PTPRG: variants seen among roughly 807,000 people sequenced by gnomAD.
PTPRG encodes receptor-type tyrosine-protein phosphatase gamma.
Under a neutral mutation model 165.3 loss-of-function variants are expected in PTPRG, and 102 were observed. The observed-to-expected ratio is 0.62, with a 90% CI of 0.53 to 0.73. The LOEUF is 0.73. Ranked by LOEUF, PTPRG falls within the 30% of genes least tolerant of loss-of-function variation. The pLI is 0.00. For synonymous variants in PTPRG, 675 were observed against 669.5 expected (o/e 1.01, Z -0.13); for missense variants, 1,866 against 1,861.4 (o/e 1.00, Z -0.05).
At chr3:61,583,030 G>T (rs994843532) in intron 1 of PTPRG, among the ~76,000 whole-genome samples, 1 of 152,234 alleles carries the variant, frequency 6.6e-6, no homozygotes, top group Admixed American at 6.5e-5. Flanking sequence ...AAAGTGAACA[G>T]AGGCAATAAT....
At chr3:61,591,629 G>C (rs565856945) in intron 1 of PTPRG, among the ~76,000 whole-genome samples, 1 of 152,196 alleles carries the variant, frequency 6.6e-6, no homozygotes, top group African/African-American at 2.4e-5. Context: ...AAGAGGAGAG[G>C]GCAGTGAGGT....
In PTPRG at chr3:62,233,641, G is replaced by C. The variant is rs1418977760; in HGVS notation, c.2375+2330G>C. Among the ~76,000 whole-genome samples the C allele has an allele frequency of 6.6e-6, 1 of 152,096 alleles. No homozygotes were observed. Among genetic ancestry groups the C allele is most frequent in the Non-Finnish European group, 1.5e-5 (1 of 68,026 alleles). On this transcript the variant is annotated intron_variant, in intron 14 of 29. Transcript: ENST00000474889. The surrounding 1 kb of genome is among the most constrained non-coding windows in gnomAD (Gnocchi z 4.7). ...ATTGCAACCCTCCAAACAGCTACAA[G>C]AGCTGTTACAGAATCCCTACACATT...
chr3:61,676,274 G>A (rs896330087), intron 1 of PTPRG, among the ~76,000 whole-genome samples: 74 of 151,306 alleles, frequency 4.9e-4, no homozygotes, highest in African/African-American at 1.7e-3. Context: ...TGGCTAACAC[G>A]GTGAAACCCC....
chr3:62,066,990 A>G (rs917130311), intron 4 of PTPRG, among the ~76,000 whole-genome samples: 1 of 148,816 alleles, frequency 6.7e-6, no homozygotes, highest in Admixed American at 6.8e-5. Flanking sequence ...GTGAGCCGAG[A>G]TCACGCCACT....
chr3:62,161,613 T>C (rs1466668097), intron 7 of PTPRG, among the ~76,000 whole-genome samples: 1 of 152,182 alleles, frequency 6.6e-6, no homozygotes, highest in Non-Finnish European at 1.5e-5. Context: ...GCCATATTAA[T>C]CCAAGAGAGA....
Position 61,757,661 on chromosome 3 carries a change from A to G in PTPRG, c.190+8679A>G, listed in dbSNP as rs200369211. 4.6e-5 allele frequency among the ~76,000 whole-genome samples: 7 copies of G among 152,240 alleles called. No individual in the cohort carries two copies. In the East Asian group the frequency reaches 1.3e-3, roughly 29 times the overall value. ...TGACCCAGCCAAAGATAAGGTCAAT[A>G]TTTACTTTGACATAGCATAAATCCT... is the stretch of plus-strand genomic sequence containing the variant. On this transcript the variant is annotated intron_variant, in intron 2 of 29. Coordinates refer to ENST00000474889, the MANE Select transcript of PTPRG (RefSeq NM_002841.4).
chr3:61,829,248 C>T (rs1197222833), intron 2 of PTPRG, among the ~76,000 whole-genome samples: 1 of 152,248 alleles, frequency 6.6e-6, no homozygotes, highest in Non-Finnish European at 1.5e-5. Context: ...TCGCTGAGCC[C>T]TCCACAAATA....
chr3:62,288,489 A>G lies in PTPRG; in HGVS notation c.4056-3932A>G, dbSNP rs201764186. ...GGAGTTCAAGACCAGCCTGGCCAAC[A>G]TGGCGAAACCCCGTCTCTACTAAAA... On this transcript the variant is annotated intron_variant, in intron 28 of 29. Coordinates refer to ENST00000474889, the MANE Select transcript of PTPRG (RefSeq NM_002841.4). Among the ~76,000 whole-genome samples the G allele has an allele frequency of 3.9e-5, 6 of 152,144 alleles. No homozygotes were observed. The East Asian group carries it at 1.2e-3, about 29-fold the overall frequency.
chr3:61,721,070 G>A (rs557184735), intron 1 of PTPRG, among the ~76,000 whole-genome samples: 1 of 152,216 alleles, frequency 6.6e-6, no homozygotes, highest in Non-Finnish European at 1.5e-5. Flanking sequence ...CCTTTCAACT[G>A]CATTGTAAAT....
chr3:62,264,368 G>A (rs892375761), intron 17 of PTPRG, among the ~76,000 whole-genome samples: 1 of 151,986 alleles, frequency 6.6e-6, no homozygotes, highest in African/African-American at 2.4e-5. Context: ...TATATTCACG[G>A]AGTTGTACGA....
rs1477481733 is a variant in PTPRG, at chr3:62,182,180, AAGAAG to A, written c.1034-9286_1034-9282del. Among the ~76,000 whole-genome samples, 4 of 152,270 alleles carry A rather than the reference AAGAAG, an allele frequency of 2.6e-5. No individual in the cohort carries two copies. The East Asian group carries it at 5.8e-4, about 22-fold the overall frequency. ...CTTGTTGAGTAGGCTGAGGAGGAGA[AAGAAG>A]AGGAGGAGTTCGTTGCCCTGTCTCA... is the stretch of plus-strand genomic sequence containing the variant. On this transcript the variant is annotated intron_variant, in intron 8 of 29. Transcript: ENST00000474889.
rs185446713 is a variant in PTPRG at position 62,150,977 on chromosome 3, A to G, written c.683-6090A>G. On this transcript the variant is annotated intron_variant, in intron 6 of 29. Coordinates refer to ENST00000474889, the MANE Select transcript of PTPRG (RefSeq NM_002841.4). ...TTATAAAGAGCTTTCTTTTTTTCCT[A>G]TATAACCAAAGCATTGAAAATATTA... Among the ~76,000 whole-genome samples the G allele has an allele frequency of 6.6e-5, 10 of 152,242 alleles. No homozygotes were observed. The East Asian group carries it at 9.7e-4, about 15-fold the overall frequency.
rs756413694 is a variant in PTPRG, at chr3:62,228,378, C to T, written c.2289-2847C>T. Among the ~76,000 whole-genome samples the T allele has an allele frequency of 1.8e-4, 27 of 151,784 alleles. No individual in the cohort carries two copies. The highest frequency in any genetic ancestry group is 3.1e-4 in the Non-Finnish European group (21 of 67,930). ...TACTAAAAATACAAAAACAATTAGC[C>T]GGATGTGGTGGTGGGTGCCTGTAAT... On this transcript the variant is annotated intron_variant, in intron 13 of 29. Coordinates refer to ENST00000474889, the MANE Select transcript of PTPRG (RefSeq NM_002841.4). The surrounding 1 kb of genome is among the most constrained non-coding windows in gnomAD (Gnocchi z 4.1).
chr3:61,794,202 A>G (rs891698716), intron 2 of PTPRG, among the ~76,000 whole-genome samples: 4 of 152,234 alleles, frequency 2.6e-5, no homozygotes, highest in Admixed American at 6.5e-5. Context: ...ACTTTAAAAA[A>G]AAATCAGAAT....
At chr3:61,882,111 G>A (rs1247252722) in intron 2 of PTPRG, among the ~76,000 whole-genome samples, 1 of 152,172 alleles carries the variant, frequency 6.6e-6, no homozygotes, top group Non-Finnish European at 1.5e-5. Flanking sequence ...TACATGTCAA[G>A]TCTTTCATCT....
At chr3:61,811,694 G>A (rs1204826471) in intron 2 of PTPRG, among the ~76,000 whole-genome samples, 1 of 152,078 alleles carries the variant, frequency 6.6e-6, no homozygotes, top group Non-Finnish European at 1.5e-5. Flanking sequence ...AAGACAATAT[G>A]CATTATTAGA....
chr3:61,999,207 G>A (rs569158257), intron 3 of PTPRG, among the ~76,000 whole-genome samples: 20 of 152,136 alleles, frequency 1.3e-4, no homozygotes, highest in Non-Finnish European at 2.4e-4. Flanking sequence ...CACCACACCC[G>A]GCTAGCCTTT....
At chr3:62,251,449 G>C (rs1441498921) in intron 15 of PTPRG, among the ~76,000 whole-genome samples, 2 of 152,152 alleles carry the variant, frequency 1.3e-5, no homozygotes, top group Non-Finnish European at 2.9e-5. Flanking sequence ...AGGAGTTCAA[G>C]ACCAGCCTGG....
intron 2 of PTPRG, among the ~76,000 whole-genome samples, chr3:61,959,915 C>T (rs1363025001): frequency 6.6e-6 from 1 of 152,054 alleles, no homozygotes; most frequent in Non-Finnish European, 1.5e-5. Flanking sequence ...GAGCTCTGTC[C>T]TGCCCCTAAC....
Sources: allele counts gnomAD v4.1 joint callset (sites outside exome capture counted in the v4.1 genomes callset), GRCh38; gene constraint gnomAD v4.1.1; non-coding constraint Gnocchi (gnomAD v3.1); transcripts MANE v1.5; gene names NCBI Gene and HGNC (gene_info 2026-07-23, HGNC 2026-07-21).